Variants in DPP10 observed in about 807,000 individuals in gnomAD.
DPP10 encodes the protein inactive dipeptidyl peptidase 10.
Under a neutral mutation model 120.9 loss-of-function variants are expected in DPP10, and 33 were observed. That is an observed-to-expected ratio of 0.27 (90% CI 0.21 to 0.37). The LOEUF is 0.37. Among genes scored for constraint, DPP10 ranks in the 10% least tolerant of loss-of-function variants. DPP10 has a pLI of 1.00. For synonymous variants in DPP10, 337 were observed against 326.1 expected (o/e 1.03, Z -0.36); for missense variants, 816 against 942.8 (o/e 0.87, Z 1.76).
intron 1 of DPP10, among the ~76,000 whole-genome samples, chr2:114,903,233 T>C (rs1278386155): frequency 6.6e-6 from 1 of 152,206 alleles, no homozygotes; most frequent in African/African-American, 2.4e-5. Flanking sequence ...CAAGTTTTGG[T>C]AATTATGAAT....
chr2:115,555,047 A>G lies in DPP10; in HGVS notation c.441+29075A>G, dbSNP rs115871581. 2.9e-3 allele frequency among the ~76,000 whole-genome samples: 434 copies of G among 152,252 alleles called. 1 individual carries two copies. The highest frequency in any genetic ancestry group is 5.1e-3 in the Non-Finnish European group (348 of 67,994). On this transcript the variant is annotated intron_variant, in intron 5 of 25. Coordinates refer to ENST00000410059, the MANE Select transcript of DPP10 (RefSeq NM_020868.6). ...TTAATATCTAGGTTTTCACACCTCT[A>G]AACTAGAAAGGACATGACTATAGCC...
At chr2:114,889,907 G>A (rs1692400509) in intron 1 of DPP10, among the ~76,000 whole-genome samples, 1 of 152,168 alleles carries the variant, frequency 6.6e-6, no homozygotes, top group African/African-American at 2.4e-5. Flanking sequence ...CTGTTGAGAT[G>A]TTCTTAAAGT....
intron 1 of DPP10, among the ~76,000 whole-genome samples, chr2:114,456,744 TG>T (rs1199287373): frequency 1.3e-5 from 2 of 152,226 alleles, no homozygotes; most frequent in African/African-American, 4.8e-5. Context: ...TTTAAAGTAC[TG>T]GGCTGAATTT....
chr2:115,787,797 AAGAAAAAC>A (rs1388047195), intron 17 of DPP10, among the ~76,000 whole-genome samples: 11 of 152,140 alleles, frequency 7.2e-5, no homozygotes, highest in African/African-American at 2.7e-4. Context: ...ACCAATGATA[AAGAAAAAC>A]ATTTTAAATA....
intron 3 of DPP10, among the ~76,000 whole-genome samples, chr2:115,401,482 T>C (rs780272986): frequency 6.6e-6 from 1 of 151,964 alleles, no homozygotes; most frequent in African/African-American, 2.4e-5. Flanking sequence ...ACTTGGGAGG[T>C]TGAAGTGGGA....
intron 1 of DPP10, among the ~76,000 whole-genome samples, chr2:114,597,943 T>A (rs1315293151): frequency 7.9e-5 from 12 of 151,908 alleles, no homozygotes; most frequent in Admixed American, 7.9e-4. Context: ...TACAATAATC[T>A]GGGAGTTTGT....
chr2:114,877,545 C>T (rs560082193), intron 1 of DPP10, among the ~76,000 whole-genome samples: 57 of 152,124 alleles, frequency 3.7e-4, no homozygotes, highest in African/African-American at 1.3e-3. Context: ...ACCATAGATC[C>T]GCTGGAATTC....
At chr2:114,737,426 T>A (rs886439259) in intron 1 of DPP10, among the ~76,000 whole-genome samples, 5 of 152,318 alleles carry the variant, frequency 3.3e-5, no homozygotes, top group Non-Finnish European at 5.9e-5. Context: ...AGGCTAACAT[T>A]TCTGCAGGAG....
chr2:115,020,760 A>G (rs899342312), intron 1 of DPP10, among the ~76,000 whole-genome samples: 1 of 152,130 alleles, frequency 6.6e-6, no homozygotes, highest in Non-Finnish European at 1.5e-5. Flanking sequence ...GATAAACCAT[A>G]TGATAGACCA....
chr2:114,645,581 T>G (rs548696131), intron 1 of DPP10, among the ~76,000 whole-genome samples: 1 of 152,290 alleles, frequency 6.6e-6, no homozygotes, highest in Non-Finnish European at 1.5e-5. Context: ...TTTTGACACT[T>G]TACACACTTT....
intron 3 of DPP10, among the ~76,000 whole-genome samples, chr2:115,464,395 G>T (rs2074177239): frequency 9.7e-6 from 1 of 102,828 alleles, no homozygotes; most frequent in African/African-American, 2.8e-5. Flanking sequence ...ACTCCTTAAA[G>T]TTCTGCAGCC....
chr2:115,342,599 C>A (rs2063505406), intron 2 of DPP10, among the ~76,000 whole-genome samples: 1 of 152,120 alleles, frequency 6.6e-6, no homozygotes, highest in African/African-American at 2.4e-5. Flanking sequence ...CAGTACTGCA[C>A]TTGTTGCCTT....
chr2:115,559,712 G>A (rs997228306), intron 5 of DPP10, among the ~76,000 whole-genome samples: 7 of 152,006 alleles, frequency 4.6e-5, no homozygotes, highest in Non-Finnish European at 8.8e-5. Context: ...ACCTGATTGA[G>A]GACCCCTTTT....
In DPP10 at chr2:115,814,787, T is replaced by A. The variant is rs1488648787; in HGVS notation, c.1701-6T>A. The A allele has an allele frequency of 1.3e-6, 2 of 1,535,156 alleles. No individual in the cohort carries two copies. The highest frequency in any genetic ancestry group is 1.8e-6 in the Non-Finnish European group (2 of 1,126,356). On this transcript the variant is annotated splice_polypyrimidine_tract_variant and splice_region_variant and intron_variant, in intron 19 of 25. Coordinates refer to ENST00000410059, the MANE Select transcript of DPP10 (RefSeq NM_020868.6). ...TTGTTTTGGTCCAATATGTTGGTAT[T>A]TGCAGGGATGAAGAACCAGGAGGCC...
intron 1 of DPP10, among the ~76,000 whole-genome samples, chr2:115,107,241 G>C (rs193270722): frequency 7.7e-4 from 117 of 151,898 alleles, no homozygotes; most frequent in East Asian, 5.8e-4. Context: ...AGGGAATAGG[G>C]ATCACCGATT....
chr2:115,677,750 C>T (rs1310134837), intron 5 of DPP10, among the ~76,000 whole-genome samples: 1 of 152,042 alleles, frequency 6.6e-6, no homozygotes, highest in African/African-American at 2.4e-5. Context: ...TACCCAATAC[C>T]ATAGCATCCA....
intron 1 of DPP10, among the ~76,000 whole-genome samples, chr2:114,530,196 TG>T (rs1157648560): frequency 1.3e-5 from 2 of 152,178 alleles, no homozygotes; most frequent in Non-Finnish European, 2.9e-5. Context: ...TACATAGAAT[TG>T]TTTCATTGAT....
intron 1 of DPP10, among the ~76,000 whole-genome samples, chr2:115,020,507 A>G (rs1230713815): frequency 6.6e-6 from 1 of 152,150 alleles, no homozygotes; most frequent in Non-Finnish European, 1.5e-5. Context: ...TCCCAAATTT[A>G]TAAAGCAATT....
chr2:114,974,951 A>C (rs763548339), intron 1 of DPP10, among the ~76,000 whole-genome samples: 8 of 152,130 alleles, frequency 5.3e-5, no homozygotes, highest in Non-Finnish European at 1.2e-4. Context: ...GGCTTGACAC[A>C]ATTAAGTGGT....
Sources: allele counts gnomAD v4.1 joint callset (sites outside exome capture counted in the v4.1 genomes callset), GRCh38; gene constraint gnomAD v4.1.1; transcripts MANE v1.5; gene names NCBI Gene and HGNC (gene_info 2026-07-23, HGNC 2026-07-21).